The following SYT14 variants were observed in gnomAD, a reference collection of about 807,000 sequenced individuals.
SYT14 encodes synaptotagmin-14.
SYT14 carries 32 observed loss-of-function variants against 74.2 expected under a neutral mutation model. The observed-to-expected ratio is 0.43, with a 90% CI of 0.33 to 0.58. The LOEUF is 0.58. Among genes scored for constraint, SYT14 ranks in the 20% least tolerant of loss-of-function variants. The pLI is 0.05. For missense variants in SYT14, 791 were observed against 981.8 expected (o/e 0.81, Z 2.60); for synonymous variants, 298 against 337.7 (o/e 0.88, Z 1.29).
At chr1:209,947,083 C>T (rs1218987065) in intron 1 of SYT14, among the ~76,000 whole-genome samples, 1 of 152,140 alleles carries the variant, frequency 6.6e-6, no homozygotes, top group African/African-American at 2.4e-5. Context: ...AAAAAAGATG[C>T]CTTTCAAAAT....
At chr1:210,016,265 A>G in exon 4 of SYT14, 3 of 1,232,182 alleles carry the variant, frequency 2.4e-6, no homozygotes, top group Non-Finnish European at 3.0e-6. Flanking sequence ...TAATTGTCAG[A>G]AAACACAAGC....
chr1:210,089,629 A>G (rs34646928), intron 5 of SYT14, among the ~76,000 whole-genome samples: 3,377 of 152,270 alleles, frequency 0.022, 59 homozygotes, highest in South Asian at 0.043. Context: ...ATTATTTTGA[A>G]GTATATTTTA....
intron 5 of SYT14, among the ~76,000 whole-genome samples, chr1:210,072,714 G>T (rs972203458): frequency 1.3e-5 from 2 of 151,924 alleles, no homozygotes; most frequent in Admixed American, 1.3e-4. Flanking sequence ...ACTTTTCCTT[G>T]TAGGTTCTAA....
chr1:209,940,349 C>T (rs1236748866), intron 1 of SYT14, among the ~76,000 whole-genome samples: 3 of 151,228 alleles, frequency 2.0e-5, no homozygotes, highest in African/African-American at 7.4e-5. Flanking sequence ...TCTTCATTCA[C>T]CTATTAATTC....
rs1004686462 is a variant in SYT14, at chr1:209,942,365, C to T, written c.-534+4088C>T. The stretch of plus-strand genomic sequence containing the variant: ...TCCAGCCTCCATGCAAATTTACCCC[C>T]CCCCCCCCGCTCTGTTGTGCAGATT... On this transcript the variant is annotated intron_variant, in intron 1 of 9. Coordinates refer to ENST00000637265, the Ensembl canonical transcript of SYT14. 2.0e-4 allele frequency among the ~76,000 whole-genome samples: 26 copies of T among 127,418 alleles called. 1 individual carries two copies. The highest frequency in any genetic ancestry group is 3.0e-4 in the Non-Finnish European group (18 of 60,900). The allele number at this position is 127,418 out of a possible 152,430, so 83.6% of individuals were successfully genotyped here.
At chr1:209,978,867 C>T (rs1464632835) in intron 2 of SYT14, among the ~76,000 whole-genome samples, 2 of 152,210 alleles carry the variant, frequency 1.3e-5, no homozygotes, top group East Asian at 3.9e-4. Flanking sequence ...TTCGAGCTTC[C>T]AGGCCCCTTT....
chr1:210,144,843 A>G (rs2082996931), intron 7 of SYT14, among the ~76,000 whole-genome samples: 1 of 152,164 alleles, frequency 6.6e-6, no homozygotes, highest in South Asian at 2.1e-4. Flanking sequence ...ACTGATTCTA[A>G]CACTCTATAT....
intron 5 of SYT14, among the ~76,000 whole-genome samples, chr1:210,035,182 T>C (rs2080632182): frequency 6.6e-6 from 1 of 151,896 alleles, no homozygotes; most frequent in Admixed American, 6.6e-5. Flanking sequence ...TGTCATATGC[T>C]TGTTGGCCAT....
intron 1 of SYT14, among the ~76,000 whole-genome samples, chr1:209,948,821 G>A (rs1174768556): frequency 6.6e-6 from 1 of 152,006 alleles, no homozygotes; most frequent in African/African-American, 2.4e-5. Context: ...ATTCTAATAT[G>A]GTGTCCCAGT....
chr1:210,082,298 AC>A (rs1358107901), intron 5 of SYT14, among the ~76,000 whole-genome samples: 2 of 152,200 alleles, frequency 1.3e-5, no homozygotes. Flanking sequence ...ATCGAGCCAA[AC>A]CATTGGCAGC....
chr1:210,072,714 G>A (rs972203458), intron 5 of SYT14, among the ~76,000 whole-genome samples: 7 of 151,924 alleles, frequency 4.6e-5, no homozygotes, highest in African/African-American at 1.7e-4. Context: ...ACTTTTCCTT[G>A]TAGGTTCTAA....
chr1:210,020,394 GA>G (rs2080277487), intron 4 of SYT14, among the ~76,000 whole-genome samples: 1 of 152,112 alleles, frequency 6.6e-6, no homozygotes. Context: ...TGAATTCTTA[GA>G]AATAGAATTG....
chr1:210,159,322 A>G (rs1289405397), intron 8 of SYT14, 99 bp from the exon 8 acceptor site: 3 of 1,151,602 alleles, frequency 2.6e-6, no homozygotes, highest in African/African-American at 3.1e-5. Flanking sequence ...ACTCCAGTGA[A>G]CAGTGTTTCC....
chr1:210,020,420 A>G (rs1308027831), intron 4 of SYT14, among the ~76,000 whole-genome samples: 1 of 152,170 alleles, frequency 6.6e-6, no homozygotes, highest in African/African-American at 2.4e-5. Flanking sequence ...ATTCCTGGAA[A>G]TGGATCAGAT....
intron 5 of SYT14, among the ~76,000 whole-genome samples, chr1:210,022,524 A>C (rs2080325742): frequency 6.6e-6 from 1 of 152,226 alleles, no homozygotes; most frequent in African/African-American, 2.4e-5. Flanking sequence ...GAGCAGGAAG[A>C]GAATGTGTTT....
At chr1:209,968,111 C>A (rs2079184241) in intron 2 of SYT14, among the ~76,000 whole-genome samples, 1 of 152,116 alleles carries the variant, frequency 6.6e-6, no homozygotes, top group South Asian at 2.1e-4. Flanking sequence ...TGGCAAGAAA[C>A]AGTAACACAA....
chr1:209,979,998 G>T lies in SYT14; in HGVS notation c.-486+27242G>T, dbSNP rs184422500. 8.5e-5 allele frequency among the ~76,000 whole-genome samples: 13 copies of T among 152,250 alleles called. No homozygotes were observed. The East Asian group carries it at 2.5e-3, about 29-fold the overall frequency. ...AATGGGAGCATTGCTGGGTCAAATGGTATTTCTGCCTCTAGGTTTTTGAAG... is the reference window on the plus strand; with the variant it reads ...AATGGGAGCATTGCTGGGTCAAATGTTATTTCTGCCTCTAGGTTTTTGAAG... On this transcript the variant is annotated intron_variant, in intron 2 of 9. Coordinates refer to ENST00000637265, the Ensembl canonical transcript of SYT14.
chr1:210,040,403 G>A (rs2080762697), intron 5 of SYT14, among the ~76,000 whole-genome samples: 1 of 151,890 alleles, frequency 6.6e-6, no homozygotes, highest in Non-Finnish European at 1.5e-5. Flanking sequence ...AGCATTAGGA[G>A]AAATACCTAA....
At chr1:210,147,226 T>C (rs543244314) in intron 7 of SYT14, among the ~76,000 whole-genome samples, 6 of 152,050 alleles carry the variant, frequency 3.9e-5, no homozygotes, top group African/African-American at 1.4e-4. Flanking sequence ...AAGGGCCATA[T>C]TGAACTTCTA....
Sources: gnomAD v4.1 joint callset for allele counts (sites outside exome capture counted in the v4.1 genomes callset) on GRCh38, gnomAD v4.1.1 for gene constraint, MANE v1.5 for transcripts, NCBI Gene and HGNC (gene_info 2026-07-23, HGNC 2026-07-21) for gene names.